VWA5A: variants seen among roughly 807,000 people sequenced by gnomAD.
VWA5A encodes von Willebrand factor A domain-containing protein 5A.
Under a neutral mutation model 84.6 loss-of-function variants are expected in VWA5A, and 77 were observed. The observed-to-expected ratio is 0.91, with a 90% CI of 0.76 to 1.10. The LOEUF (loss-of-function observed/expected upper bound fraction) is 1.10. VWA5A is among the 50% of genes least tolerant of loss of function. VWA5A has a pLI of 0.00. For missense variants in VWA5A, 973 were observed against 963.0 expected (o/e 1.01, Z -0.14); for synonymous variants, 334 against 350.1 (o/e 0.95, Z 0.51).
Position 124,136,774 on chromosome 11 carries a change from C to CTCCT in VWA5A, c.1625+103_1625+104insTTCC, listed in dbSNP as rs1860601996. On this transcript the variant is annotated intron_variant, in intron 14 of 18. Transcript: ENST00000456829. The stretch of plus-strand genomic sequence containing the variant: ...ATTCCCTCCCTCCCTCCCTCCCTCC[C>CTCCT]TCCCTCCTTCCTTCCTTCTTTCCTC... 57 of 895,062 alleles carry CTCCT rather than the reference C, an allele frequency of 6.4e-5. No individual in the cohort carries two copies. The South Asian group carries it at 9.1e-4, about 14-fold the overall frequency. 55.4% of individuals were successfully genotyped at this position (895,062 alleles called of 1,614,324 possible).
chr11:124,145,828 A>T, intron 18 of VWA5A, 38 bp from the exon 19 acceptor site: 1 of 1,553,502 alleles, frequency 6.4e-7, no homozygotes, highest in Non-Finnish European at 8.7e-7. Context: ...CTCTAATTGC[A>T]ATCCTTCATC....
chr11:124,133,731 C>G (rs1470404379), intron 11 of VWA5A, among the ~76,000 whole-genome samples: 1 of 152,140 alleles, frequency 6.6e-6, no homozygotes, highest in African/African-American at 2.4e-5. Flanking sequence ...TAATAGTACT[C>G]ACTTTACAGA....
chr11:124,138,903 T>C, intron 15 of VWA5A, among the ~76,000 whole-genome samples: 1 of 152,234 alleles, frequency 6.6e-6, no homozygotes, highest in South Asian at 2.1e-4. Flanking sequence ...TGTTTCACAG[T>C]TTCACCTCTT....
In VWA5A at chr11:124,146,005, C is replaced by G. The variant is rs1591368897; in HGVS notation, c.*60C>G. ...GCTACTGTCATTTCCTCTAGTATCA[C>G]TTTTGCTGTGATGATGTGTTCTTGT... On this transcript the variant is annotated 3_prime_UTR_variant, in exon 19 of 19. Transcript: ENST00000456829. 6.6e-7 allele frequency: 1 copy of G among 1,515,716 alleles called. No individual in the cohort carries two copies. Among genetic ancestry groups the G allele is most frequent in the African/African-American group, 1.4e-5 (1 of 72,336 alleles). The allele number at this position is 1,515,716 out of a possible 1,614,324, so 93.9% of individuals were successfully genotyped here.
Position 124,118,981 on chromosome 11 carries a change from C to G in VWA5A, c.652C>G (p.Leu218Val). 6.2e-7 allele frequency: 1 copy of G among 1,614,094 alleles called. No homozygotes were observed. Among genetic ancestry groups the G allele is most frequent in the Middle Eastern group, 1.6e-4 (1 of 6,062 alleles). ...TTACCTGTCCTCCACTCAGGTTTCC[C>G]TGGCTGCTGGACACAAGTTTGATCG... ...GEDKTSAQVS[L>V]AAGHKFDRDV... is the part of the protein sequence containing the mutation. The change falls in exon 7 of 19, where the codon CTG becomes GTG. Residue 218 changes from leucine (L) to valine (V), a missense_variant. Coordinates refer to ENST00000456829, the MANE Select transcript of VWA5A (RefSeq NM_001130142.2).
chr11:124,145,652 C>G (rs936510353), intron 18 of VWA5A, among the ~76,000 whole-genome samples: 1 of 152,164 alleles, frequency 6.6e-6, no homozygotes, highest in Non-Finnish European at 1.5e-5. Flanking sequence ...GAAGACTAGA[C>G]TTGGTGCGTG....
At position 124,146,103 on chromosome 11, in the gene VWA5A, C is replaced by T. The variant is rs1360116092; in HGVS notation, c.*158C>T. The stretch of plus-strand genomic sequence containing the variant: ...CCACTTCGCTTCTCTGCTCCAGGTT[C>T]ACTTTGGATATGATCTTTCTTTTCC... On this transcript the variant is annotated 3_prime_UTR_variant, in exon 19 of 19. Transcript: ENST00000456829. The T allele has an allele frequency of 1.3e-5, 9 of 692,550 alleles. No individual in the cohort carries two copies. The South Asian group carries it at 1.8e-4, about 14-fold the overall frequency. The allele number at this position is 692,550 out of a possible 1,614,324, so 42.9% of individuals were successfully genotyped here.
In VWA5A at chr11:124,117,950, G is replaced by T. The variant is rs578218481; in HGVS notation, c.246+75G>T. 3.8e-5 allele frequency: 58 copies of T among 1,539,066 alleles called. No homozygotes were observed. The South Asian group carries it at 5.3e-4, about 14-fold the overall frequency. On this transcript the variant is annotated intron_variant, in intron 4 of 18. Coordinates refer to ENST00000456829, the MANE Select transcript of VWA5A (RefSeq NM_001130142.2). ...TATTTCCTTAATGCATACTCTTTAT[G>T]ATCTCTACTAAATGTACCTTCACAA... is the stretch of plus-strand genomic sequence containing the variant.
rs752102744 is a variant in VWA5A at position 124,119,056 on chromosome 11, G to C, written c.727G>C (p.Val243Leu). The C allele has an allele frequency of 8.7e-6, 14 of 1,614,084 alleles. No individual in the cohort carries two copies. The highest frequency in any genetic ancestry group is 1.2e-5 in the Non-Finnish European group (14 of 1,180,048). The change falls in exon 7 of 19, where the codon GTT (valine) becomes CTT (leucine). Residue 243 changes from valine to leucine, a missense_variant. Val to Leu is a conservative substitution (Grantham distance 32, BLOSUM62 1). Transcript: ENST00000456829. The part of the protein sequence containing the change: ...YYNEVHTPSV[V>L]LEMGMPNMKP... ...CAATGAGGTGCATACCCCCAGCGTG[G>C]TTTTGGAGATGGGGATGCCTAACAT...
chr11:124,138,947 T>G (rs1380498617), intron 15 of VWA5A, among the ~76,000 whole-genome samples: 2 of 152,266 alleles, frequency 1.3e-5, no homozygotes, highest in Admixed American at 1.3e-4. Context: ...GAGTTGGTTT[T>G]TCTATGTGAT....
chr11:124,123,501 GAAAGGGACTAAATTGTT>G, intron 9 of VWA5A, 47 bp downstream of exon 9: 1 of 1,606,868 alleles, frequency 6.2e-7, no homozygotes, highest in Non-Finnish European at 8.5e-7. Context: ...AGACTTTAAA[GAAAGGGACTAAATTGTT>G]AAAGGGGTTA....
intron 14 of VWA5A, 72 bp downstream of exon 14, chr11:124,136,746 T>TTCCTTCCTTCCC (rs1860598680): frequency 1.0e-6 from 1 of 978,394 alleles, no homozygotes; most frequent in Non-Finnish European, 1.4e-6. Flanking sequence ...CCTTCCTTCC[T>TTCCTTCCTTCCC]TCATTCCCTC....
intron 17 of VWA5A, among the ~76,000 whole-genome samples, chr11:124,144,213 T>A (rs1038296549): frequency 6.6e-6 from 1 of 151,996 alleles, no homozygotes. Context: ...ATAGTAGGAA[T>A]AAAAGCTAAG....
chr11:124,139,013 G>A (rs897059958), intron 15 of VWA5A, among the ~76,000 whole-genome samples: 1 of 152,100 alleles, frequency 6.6e-6, no homozygotes, highest in Admixed American at 6.5e-5. Context: ...TTTTCCCAAT[G>A]CCATTTATTA....
chr11:124,139,790 T>C (rs1860690877), intron 15 of VWA5A, among the ~76,000 whole-genome samples: 1 of 152,166 alleles, frequency 6.6e-6, no homozygotes, highest in African/African-American at 2.4e-5. Flanking sequence ...TTCTTTTTAT[T>C]TATTTCTCTT....
intron 17 of VWA5A, among the ~76,000 whole-genome samples, chr11:124,143,113 T>C (rs1028663033): frequency 3.9e-5 from 6 of 152,196 alleles, no homozygotes; most frequent in African/African-American, 1.4e-4. Context: ...AACCTCATTA[T>C]TGCTCCTCTT....
intron 11 of VWA5A, among the ~76,000 whole-genome samples, chr11:124,133,436 A>G (rs1453120694): frequency 4.6e-5 from 7 of 152,194 alleles, no homozygotes; most frequent in Admixed American, 3.3e-4. Context: ...GCTGGGCTCA[A>G]TTCTCTTGGC....
At chr11:124,138,747 C>A (rs1467562164) in intron 15 of VWA5A, among the ~76,000 whole-genome samples, 2 of 152,158 alleles carry the variant, frequency 1.3e-5, no homozygotes, top group Non-Finnish European at 2.9e-5. Context: ...TGTTTCTTCA[C>A]CCTGTTGATT....
rs151172932 is a variant in VWA5A at position 124,142,559 on chromosome 11, C to G, written c.2141C>G (p.Ala714Gly). The part of the protein sequence containing the change: ...LGMSLEEIMA[A>G]QPAELVDSSG... The stretch of plus-strand genomic sequence containing the variant: ...ATGAGTTTGGAAGAAATAATGGCTG[C>G]ACAGCCTGCCGAGGTAAGATTCAAT... The change falls in exon 17 of 19, where the codon GCA (alanine) becomes GGA (glycine). Residue 714 changes from alanine (A) to glycine (G), a missense_variant. Transcript: ENST00000456829. 77 of 1,614,112 alleles carry G rather than the reference C, an allele frequency of 4.8e-5. No homozygotes were observed. In the African/African-American group the frequency reaches 9.5e-4, roughly 20 times the overall value.
Sources: gnomAD v4.1 joint callset for allele counts (sites outside exome capture counted in the v4.1 genomes callset) on GRCh38, gnomAD v4.1.1 for gene constraint, MANE v1.5 for transcripts, NCBI Gene and HGNC (gene_info 2026-07-23, HGNC 2026-07-21) for gene names.